The following MYO16 variants were observed in gnomAD, a reference collection of about 807,000 sequenced individuals.
MYO16 encodes the protein unconventional myosin-XVI.
In MYO16, 94 loss-of-function variants were observed where a neutral mutation model predicts 205.3. The ratio of observed to expected loss-of-function variants is 0.46; its 90% CI spans 0.39 to 0.54. The LOEUF (loss-of-function observed/expected upper bound fraction) is 0.54. MYO16 is among the 20% of genes least tolerant of loss of function. The pLI is 0.00. For missense variants in MYO16, 2,315 were observed against 2,387.5 expected (o/e 0.97, Z 0.63); for synonymous variants, 988 against 954.0 (o/e 1.04, Z -0.66).
intron 27 of MYO16, among the ~76,000 whole-genome samples, chr13:109,068,084 T>C (rs960309418): frequency 6.6e-6 from 1 of 152,178 alleles, no homozygotes; most frequent in Non-Finnish European, 1.5e-5. Context: ...TAAACAGAGA[T>C]CTATTTGCAA....
intron 5 of MYO16, among the ~76,000 whole-genome samples, chr13:108,788,160 C>G (rs559638354): frequency 1.3e-5 from 2 of 152,234 alleles, no homozygotes; most frequent in Admixed American, 6.5e-5. Context: ...TACTTATCAC[C>G]TGTCACATCA....
chr13:108,604,153 C>T (rs1470155298), intron 1 of MYO16, among the ~76,000 whole-genome samples: 4 of 152,088 alleles, frequency 2.6e-5, no homozygotes, highest in Non-Finnish European at 5.9e-5. Flanking sequence ...GGGGAAACTA[C>T]CCCCATGATT....
In MYO16 at chr13:108,747,239, G is replaced by A. The variant is rs145506826; in HGVS notation, c.507+19656G>A. Among the ~76,000 whole-genome samples, 454 of 152,218 alleles carry A rather than the reference G, an allele frequency of 3.0e-3. 2 individuals are homozygous for A. Among genetic ancestry groups the A allele is most frequent in the African/African-American group, 0.011 (440 of 41,556 alleles). On this transcript the variant is annotated intron_variant, in intron 4 of 34. Transcript: ENST00000457511. Reference sequence around the variant, plus strand: ...TACATGAAGAATAGAGAACATTGAAGAAGAAATAAAGACAAAATTAACTCC... The same window carrying A: ...TACATGAAGAATAGAGAACATTGAAAAAGAAATAAAGACAAAATTAACTCC...
intron 2 of MYO16, among the ~76,000 whole-genome samples, chr13:108,689,452 A>T (rs1016471421): frequency 3.3e-5 from 5 of 152,142 alleles, no homozygotes; most frequent in Non-Finnish European, 7.4e-5. Flanking sequence ...ATTGTAAAGG[A>T]ACCCACTTTA....
chr13:108,899,429 A>T (rs7329718), intron 15 of MYO16, among the ~76,000 whole-genome samples: 51,406 of 151,884 alleles, frequency 0.34, 9,248 homozygotes, highest in Non-Finnish European at 0.4. Flanking sequence ...ATCTCAAAAA[A>T]AAAAAAAGAA....
intron 3 of MYO16, among the ~76,000 whole-genome samples, chr13:108,717,906 G>A (rs777942603): frequency 5.9e-5 from 9 of 152,092 alleles, no homozygotes; most frequent in South Asian, 4.1e-4. Flanking sequence ...AGAAACATGC[G>A]TGTTTCATAT....
chr13:108,757,369 G>A (rs1273355809), intron 4 of MYO16, among the ~76,000 whole-genome samples: 2 of 152,106 alleles, frequency 1.3e-5, no homozygotes, highest in African/African-American at 4.8e-5. Context: ...TATAACAGGA[G>A]TCTCTAACAT....
chr13:108,924,240 T>A (rs539133980), intron 16 of MYO16, among the ~76,000 whole-genome samples: 2 of 152,342 alleles, frequency 1.3e-5, no homozygotes, highest in East Asian at 3.9e-4. Context: ...TAAATAGTGA[T>A]GTGATGCAGT....
intron 4 of MYO16, among the ~76,000 whole-genome samples, chr13:108,748,292 A>G (rs1053448954): frequency 1.3e-5 from 2 of 152,136 alleles, no homozygotes. Flanking sequence ...TATTTAAAAT[A>G]TATTTTCAGC....
At chr13:108,740,553 G>T (rs1056902829) in intron 4 of MYO16, among the ~76,000 whole-genome samples, 1 of 152,156 alleles carries the variant, frequency 6.6e-6, no homozygotes. Context: ...CTACTGAGGG[G>T]TTCCTCCCAG....
intron 16 of MYO16, among the ~76,000 whole-genome samples, chr13:108,927,739 G>A (rs1333708195): frequency 6.6e-6 from 1 of 152,210 alleles, no homozygotes; most frequent in African/African-American, 2.4e-5. Flanking sequence ...GTGGAGCCCT[G>A]CACAGGAATT....
intron 2 of MYO16, among the ~76,000 whole-genome samples, chr13:108,697,970 G>A (rs149682354): frequency 0.022 from 3,323 of 152,182 alleles, 110 homozygotes; most frequent in African/African-American, 0.077. Flanking sequence ...TGATCCACCC[G>A]CCTTGGCCTC....
In MYO16 at chr13:109,052,452, AAGAATTATCT is replaced by A; in HGVS notation, c.3030_3039del (p.Tyr1011LeufsTer5). On this transcript the variant is annotated frameshift_variant, in exon 25 of 35. Transcript: ENST00000457511. LOFTEE classifies it high-confidence loss of function. ...AGCTTCTTCAATTATTGGAGAAAAC[AAGAATTATCT>A]AGAACTTAGTAAGGTAGGAGTTTTT... is the stretch of plus-strand genomic sequence containing the variant. The A allele has an allele frequency of 6.2e-7, 1 of 1,610,174 alleles. No individual in the cohort carries two copies.
At chr13:108,653,071 G>A (rs1473532809) in intron 1 of MYO16, among the ~76,000 whole-genome samples, 2 of 152,098 alleles carry the variant, frequency 1.3e-5, no homozygotes, top group Non-Finnish European at 2.9e-5. Context: ...TTCTTTGATA[G>A]TAGCTATTCT....
At chr13:108,851,203 C>T (rs1462608769) in intron 10 of MYO16, among the ~76,000 whole-genome samples, 1 of 152,062 alleles carries the variant, frequency 6.6e-6, no homozygotes, top group East Asian at 1.9e-4. Context: ...TTTTGCATTA[C>T]TCAAAGTTAC....
chr13:109,015,243 T>C (rs919312047), intron 22 of MYO16, among the ~76,000 whole-genome samples: 5 of 152,244 alleles, frequency 3.3e-5, no homozygotes, highest in Non-Finnish European at 7.3e-5. Flanking sequence ...TCTTTGGCTC[T>C]GTTTATGTGA....
chr13:109,016,556 G>A lies in MYO16; in HGVS notation c.2596-3155G>A, dbSNP rs770027924. Among the ~76,000 whole-genome samples, 4 of 152,018 alleles carry A rather than the reference G, an allele frequency of 2.6e-5. No individual in the cohort carries two copies. The East Asian group carries it at 7.7e-4, about 29-fold the overall frequency. On this transcript the variant is annotated intron_variant, in intron 22 of 34. Transcript: ENST00000457511. ...TCTTGTTGATCTAATATTGACAATG[G>A]GGTGTTAAAGTCTCCCGTTATTATT...
At chr13:108,984,306 G>T (rs1034965871) in intron 20 of MYO16, among the ~76,000 whole-genome samples, 25 of 152,082 alleles carry the variant, frequency 1.6e-4, no homozygotes, top group African/African-American at 6.0e-4. Context: ...CCATGACCTG[G>T]ATTAGCTTGC....
chr13:108,997,357 A>G (rs1474153626), intron 21 of MYO16, among the ~76,000 whole-genome samples: 56 of 3,914 alleles, frequency 0.014, no homozygotes, highest in East Asian at 0.1. Context: ...AGAGAGAGAG[A>G]GAGAGAGAGA....
Sources: allele counts gnomAD v4.1 joint callset (sites outside exome capture counted in the v4.1 genomes callset), GRCh38; gene constraint gnomAD v4.1.1; transcripts MANE v1.5; gene names NCBI Gene and HGNC (gene_info 2026-07-23, HGNC 2026-07-21).